ADAR: variants seen among roughly 807,000 people sequenced by gnomAD.
ADAR encodes double-stranded RNA-specific adenosine deaminase.
In ADAR, 41 loss-of-function variants were observed where a neutral mutation model predicts 113.2. That is an observed-to-expected ratio of 0.36 (90% CI 0.28 to 0.47). The LOEUF (loss-of-function observed/expected upper bound fraction) is 0.47. ADAR is among the 20% of genes least tolerant of loss of function. The probability of loss-of-function intolerance (pLI) is 1.00; values close to 1 mark genes in which losing one functional copy is unlikely to be tolerated. For synonymous variants in ADAR, 605 were observed against 572.6 expected, an observed-to-expected ratio of 1.06 and a Z score of -0.81; for missense variants, 1,242 against 1,540.9, an observed-to-expected ratio of 0.81 and a Z score of 3.25.
chr1:154,597,046 TGAGG>T, intron 5 of ADAR, 51 bp from the exon 6 acceptor site: 2 of 1,614,092 alleles, frequency 1.2e-6, no homozygotes, highest in South Asian at 2.2e-5. Context: ...CAGGAAATGT[TGAGG>T]GAGTCACTGG....
chr1:154,621,251 T>C (rs1399287621), intron 1 of ADAR, among the ~76,000 whole-genome samples: 1 of 151,986 alleles, frequency 6.6e-6, no homozygotes, highest in Admixed American at 6.6e-5. Flanking sequence ...TAAAACTGAA[T>C]GCTAGCTTTT....
At position 154,613,838 on chromosome 1, in the gene ADAR, A is replaced by C. The variant is rs1367422732; in HGVS notation, c.-870-11212T>G. 2.7e-5 allele frequency among the ~76,000 whole-genome samples: 4 copies of C among 148,542 alleles called. 1 individual carries two copies. Among genetic ancestry groups the C allele is most frequent in the Non-Finnish European group, 3.0e-5 (2 of 67,368 alleles). ...AGAATCACTTGAACCTGGGAGGCGGAGGTTGCAGTGAGCCGAGATCGCACC... is the reference window on the plus strand; with the variant it reads ...AGAATCACTTGAACCTGGGAGGCGGCGGTTGCAGTGAGCCGAGATCGCACC... On this transcript the variant is annotated intron_variant, in intron 1 of 14. Transcript: ENST00000368471.
rs757942430 is a variant in ADAR at position 154,589,794 on chromosome 1, G to C, written c.2631C>G (p.Asp877Glu). The change falls in exon 8 of 15, where the codon GAC becomes GAG. Residue 877 changes from aspartate to glutamate, a missense_variant. By Grantham distance (45) the Asp-to-Glu change is conservative. Transcript: ENST00000368474. ...KILAAIIMKK[D>E]SEDMGVVVSL... Reference sequence around the variant, plus strand: ...TGACGACGACACCCATGTCCTCAGAGTCTTTTTTCATAATGATGGCGGCCA... The same window carrying C: ...TGACGACGACACCCATGTCCTCAGACTCTTTTTTCATAATGATGGCGGCCA... The C allele has an allele frequency of 5.0e-6, 8 of 1,614,004 alleles. No individual in the cohort carries two copies. The South Asian group carries it at 8.8e-5, about 18-fold the overall frequency.
chr1:154,586,639 G>A (rs113823667), intron 11 of ADAR, among the ~76,000 whole-genome samples: 20 of 152,350 alleles, frequency 1.3e-4, no homozygotes, highest in African/African-American at 4.1e-4. Context: ...ACATACGGAA[G>A]AATTCCAGAT....
Position 154,582,651 on chromosome 1 carries a change from A to G in ADAR, c.*2155T>C, listed in dbSNP as rs1696481650. On this transcript the variant is annotated 3_prime_UTR_variant, in exon 15 of 15. Coordinates refer to ENST00000368474, the MANE Select transcript of ADAR (RefSeq NM_001111.5). ...CTTGTGAGAGCCTGTGTTCCCAGTT[A>G]AAGAAGAGGCAGCTGGCCAGAGCTC... 6.5e-6 allele frequency: 1 copy of G among 152,840 alleles called. No homozygotes were observed. Among genetic ancestry groups the G allele is most frequent in the Admixed American group, 6.5e-5 (1 of 15,296 alleles). The allele number at this position is 152,840 out of a possible 1,614,324, so 9.5% of individuals were successfully genotyped here.
At chr1:154,612,842 C>T (rs908835437), upstream of ADAR, among the ~76,000 whole-genome samples, 9 of 151,992 alleles carry the variant, frequency 5.9e-5, no homozygotes, top group East Asian at 3.9e-4. Context: ...GATAGAGTCT[C>T]GCTCTGTTGC....
In ADAR at chr1:154,584,854, C is replaced by G; in HGVS notation, c.3633G>C (p.Trp1211Cys). The change falls in exon 15 of 15, where the codon TGG (tryptophan) becomes TGC (cysteine). Residue 1211 changes from tryptophan (W) to cysteine (C), a missense_variant. Transcript: ENST00000368474. ...TCTTTTCCTCCTGGGGTTTGCTAAT[C>G]CAGTTCCCATAGCCCATATCCTTCA... is the stretch of plus-strand genomic sequence containing the variant. ...KGLKDMGYGN[W>C]ISKPQEEKNF... 2 of 1,614,150 alleles carry G rather than the reference C, an allele frequency of 1.2e-6. No homozygotes were observed. The highest frequency in any genetic ancestry group is 1.7e-6 in the Non-Finnish European group (2 of 1,180,034).
chr1:154,583,929 A>G lies in ADAR; in HGVS notation c.*877T>C, dbSNP rs1696570235. 1 of 152,158 alleles carries G rather than the reference A, an allele frequency of 6.6e-6. No homozygotes were observed. Among genetic ancestry groups the G allele is most frequent in the Non-Finnish European group, 1.5e-5 (1 of 68,022 alleles). 9.4% of individuals were successfully genotyped at this position (152,158 alleles called of 1,614,324 possible). ...TGTACGCCCAGCATTGGCGGGGAAA[A>G]TATTCCTAGGAATGCTTTAGGAGAA... On this transcript the variant is annotated 3_prime_UTR_variant, in exon 15 of 15. Transcript: ENST00000368474.
chr1:154,618,375 G>C (rs189937103), intron 1 of ADAR, among the ~76,000 whole-genome samples: 1 of 152,146 alleles, frequency 6.6e-6, no homozygotes, highest in East Asian at 1.9e-4. Flanking sequence ...ATTAAATAAC[G>C]ATTTACTGCA....
intron 11 of ADAR, 43 bp downstream of exon 11, chr1:154,588,082 C>A: frequency 6.2e-7 from 1 of 1,611,440 alleles, no homozygotes; most frequent in East Asian, 2.2e-5. Flanking sequence ...CTGGACCTTG[C>A]AGAGCCTTTT....
chr1:154,597,095 G>C (rs373671974), intron 5 of ADAR, 28 bp downstream of exon 5: 4 of 1,614,042 alleles, frequency 2.5e-6, no homozygotes, highest in Non-Finnish European at 3.4e-6. Context: ...AAAATGACCT[G>C]TATCTTTTGA....
rs1251582638 is a variant in ADAR, at chr1:154,590,292, G to T, written c.2388C>A (p.Asn796Lys). ...DAALRVLIGE[N>K]EKAERMGFTE... ...TGAAACCCATGCGTTCTGCCTTCTC[G>T]TTCTCCCCAATCAAGACACGGAGAG... is the stretch of plus-strand genomic sequence containing the variant. Residue 796 changes from asparagine (N) to lysine (K), a missense_variant, in exon 7 of 15, where the codon AAC (asparagine) becomes AAA (lysine). Physicochemically the swap from Asn to Lys is moderately conservative, Grantham distance 94. Coordinates refer to ENST00000368474, the MANE Select transcript of ADAR (RefSeq NM_001111.5). 1 of 1,613,994 alleles carries T rather than the reference G, an allele frequency of 6.2e-7. No individual in the cohort carries two copies. Among genetic ancestry groups the T allele is most frequent in the African/African-American group, 1.3e-5 (1 of 74,962 alleles).
rs59907056 is a variant in ADAR at position 154,613,904 on chromosome 1, C to CCA, written c.-870-11279_-870-11278insTG. Among the ~76,000 whole-genome samples the CCA allele has an allele frequency of 1.1e-3, 136 of 124,234 alleles. 10 individuals carry two copies. Among genetic ancestry groups the CCA allele is most frequent in the Non-Finnish European group, 1.3e-3 (80 of 60,606 alleles). The allele number at this position is 124,234 out of a possible 152,430, so 81.5% of individuals were successfully genotyped here. On this transcript the variant is annotated intron_variant, in intron 1 of 14. Transcript: ENST00000368471. ...GAGCAACAAGAGCGAAACTCCATCT[C>CCA]AAAAAAAAAAAAAAAGAAAGCAAGA...
rs759763367 is a variant in ADAR at position 154,601,270 on chromosome 1, C to T, written c.1372G>A (p.Asp458Asn). 43 of 1,614,236 alleles carry T rather than the reference C, an allele frequency of 2.7e-5. No individual in the cohort carries two copies. The highest frequency in any genetic ancestry group is 3.6e-5 in the Non-Finnish European group (43 of 1,180,052). Residue 458 changes from aspartate (D) to asparagine (N), a missense_variant, in exon 2 of 15, where the codon GAC (aspartate) becomes AAC (asparagine). By Grantham distance (23) the Asp-to-Asn change is conservative. This residue lies in a region of ADAR where 780 missense variants were observed against 1,057.9 expected (regional missense o/e 0.74). Transcript: ENST00000368474. This position sits in a 1 kb window ranked among gnomAD's most constrained non-coding sequence, Gnocchi z 4.7. Reference sequence around the variant, plus strand: ...ATACTATTCAAGTCATCTGGGATGTCATCTGTGGCCCACTGGCCATTTTCA... The same window carrying T: ...ATACTATTCAAGTCATCTGGGATGTTATCTGTGGCCCACTGGCCATTTTCA... ...DFENGQWATD[D>N]IPDDLNSIRA...
chr1:154,586,171 G>GGC lies in ADAR; in HGVS notation c.3202+8_3202+9dup, dbSNP rs1557864943. The GGC allele has an allele frequency of 6.2e-7, 1 of 1,614,022 alleles. No homozygotes were observed. Among genetic ancestry groups the GGC allele is most frequent in the Non-Finnish European group, 8.5e-7 (1 of 1,180,046 alleles). On this transcript the variant is annotated intron_variant, in intron 12 of 14. Transcript: ENST00000368474. ...CAGACCAGTTCCAGATCCCAAGGCA[G>GGC]GCCCCTTACCCAATGTGACAGATTT... is the stretch of plus-strand genomic sequence containing the variant.
intron 9 of ADAR, 93 bp downstream of exon 9, chr1:154,589,275 AG>A (rs1696965952): frequency 7.3e-6 from 7 of 962,736 alleles, no homozygotes; most frequent in African/African-American, 4.8e-5. Flanking sequence ...CGTCTGTCTG[AG>A]GGGGATTCAG....
At chr1:154,627,726 GGCCACCCTCAGT>G (rs1698985530) in intron 1 of ADAR, 1 of 403,336 alleles carries the variant, frequency 2.5e-6, no homozygotes, top group Non-Finnish European at 5.0e-6. Context: ...CCAGCCCTGC[GGCCACCCTCAGT>G]GCCCTGCCGG....
Position 154,585,846 on chromosome 1 carries a change from C to T in ADAR, c.3222G>A (p.Gly1074=), listed in dbSNP as rs763039246. 36 of 1,613,946 alleles carry T rather than the reference C, an allele frequency of 2.2e-5. No homozygotes were observed. The South Asian group carries it at 4.0e-4, about 18-fold the overall frequency. Residue 1074 remains glycine (G), a synonymous_variant, in exon 13 of 15, where the codon GGG becomes GGA. Transcript: ENST00000368474. ...GACAGCAAATAGCACGGGTCAGATG[C>T]CCTTGGCTGAAAAGGTAACCTGAGT... is the stretch of plus-strand genomic sequence containing the variant. The part of the protein sequence containing the change: ...SVTLGYLFSQ[G]HLTRAICCRV...
In ADAR at chr1:154,596,903, G is replaced by T. The variant is rs1406250734; in HGVS notation, c.2172C>A (p.Asn724Lys). The T allele has an allele frequency of 6.2e-7, 1 of 1,614,184 alleles. No homozygotes were observed. The highest frequency in any genetic ancestry group is 8.5e-7 in the Non-Finnish European group (1 of 1,180,042). ...CCAAAAGGCCACCCACAGGGTTGGTGTTCAGGTATCTCACGAGCTCGCCAA... is the reference window on the plus strand; with the variant it reads ...CCAAAAGGCCACCCACAGGGTTGGTTTTCAGGTATCTCACGAGCTCGCCAA... ...RKIGELVRYL[N>K]TNPVGGLLEY... Residue 724 changes from asparagine (N) to lysine (K), a missense_variant, in exon 6 of 15, where the codon AAC (asparagine) becomes AAA (lysine). By Grantham distance (94) the Asn-to-Lys change is moderately conservative. This residue lies in a region of ADAR where 780 missense variants were observed against 1,057.9 expected (regional missense o/e 0.74). Coordinates refer to ENST00000368474, the MANE Select transcript of ADAR (RefSeq NM_001111.5).
Sources: allele counts gnomAD v4.1 joint callset (sites outside exome capture counted in the v4.1 genomes callset), GRCh38; gene constraint gnomAD v4.1.1; regional missense constraint gnomAD v4.1.1; non-coding constraint Gnocchi (gnomAD v3.1); transcripts MANE v1.5; gene names NCBI Gene and HGNC (gene_info 2026-07-23, HGNC 2026-07-21).